The following LIG1 variants were observed in gnomAD, a reference collection of about 807,000 sequenced individuals.
The protein encoded by LIG1 is DNA ligase 1.
Under a neutral mutation model 115.7 loss-of-function variants are expected in LIG1, and 70 were observed. That is an observed-to-expected ratio of 0.60 (90% CI 0.50 to 0.74). LIG1 has a LOEUF of 0.74. LIG1 is among the 30% of genes least tolerant of loss of function. The pLI is 0.00. For synonymous variants in LIG1, 487 were observed against 495.3 expected, an observed-to-expected ratio of 0.98 and a Z score of 0.22; for missense variants, 1,115 against 1,225.6, an observed-to-expected ratio of 0.91 and a Z score of 1.35.
chr19:48,119,757 G>T (rs2033140179), intron 24 of LIG1, among the ~76,000 whole-genome samples: 1 of 151,796 alleles, frequency 6.6e-6, no homozygotes, highest in Non-Finnish European at 1.5e-5. Flanking sequence ...TGCCCAGGCT[G>T]GTCCCGAACT....
At position 48,122,572 on chromosome 19, in the gene LIG1, C is replaced by G. The variant is rs1298179038; in HGVS notation, c.2232+362G>C. ...CCCCGCCTTGCTGGCCCGGAGCTGA[C>G]TTGCTTTTCTTCATGGCGCCCACTC... On this transcript the variant is annotated intron_variant, in intron 23 of 27. Coordinates refer to ENST00000263274, the MANE Select transcript of LIG1 (RefSeq NM_000234.3). This position sits in a 1 kb window ranked among gnomAD's most constrained non-coding sequence, Gnocchi z 4.3. Among the ~76,000 whole-genome samples, 4 of 152,238 alleles carry G rather than the reference C, an allele frequency of 2.6e-5. No individual in the cohort carries two copies. The highest frequency in any genetic ancestry group is 7.2e-5 in the African/African-American group (3 of 41,472).
At chr19:48,155,310 C>A (rs1197202418) in intron 5 of LIG1, among the ~76,000 whole-genome samples, 1 of 152,214 alleles carries the variant, frequency 6.6e-6, no homozygotes, top group African/African-American at 2.4e-5. Flanking sequence ...CCTCTCACCA[C>A]GTGCTATCCT....
At chr19:48,165,709 G>GAAAAA in intron 1 of LIG1, 86 bp from the exon 2 acceptor site, 2 of 785,372 alleles carry the variant, frequency 2.5e-6, no homozygotes, top group Non-Finnish European at 4.1e-6. Flanking sequence ...AAGAAAGAAA[G>GAAAAA]AAAAAAAAAA....
chr19:48,147,853 A>G (rs1487575997), intron 9 of LIG1, among the ~76,000 whole-genome samples: 1 of 152,048 alleles, frequency 6.6e-6, no homozygotes, highest in Non-Finnish European at 1.5e-5. Context: ...GTGCTCATTT[A>G]AATTTCTTTC....
At chr19:48,135,612 T>C in intron 16 of LIG1, 68 bp downstream of exon 16, 2 of 1,275,962 alleles carry the variant, frequency 1.6e-6, no homozygotes, top group Non-Finnish European at 2.3e-6. Context: ...ACTGCTCCTC[T>C]GGCTCCACCC....
chr19:48,124,127 G>T (rs769801415), intron 21 of LIG1, among the ~76,000 whole-genome samples: 1 of 152,162 alleles, frequency 6.6e-6, no homozygotes, highest in Non-Finnish European at 1.5e-5. Flanking sequence ...AGTGTTTCTG[G>T]TCTGCCCTTT....
At chr19:48,163,103 A>T (rs1214136612) in intron 2 of LIG1, among the ~76,000 whole-genome samples, 1 of 150,964 alleles carries the variant, frequency 6.6e-6, no homozygotes, top group Non-Finnish European at 1.5e-5. Context: ...TTTTTGGTAG[A>T]CACGGGTTTT....
chr19:48,153,819 T>TTC (rs1555779094), intron 6 of LIG1, 53 bp downstream of exon 6: 1 of 154,018 alleles, frequency 6.5e-6, no homozygotes. Flanking sequence ...TCCTCTTGGC[T>TTC]TCACACACAC....
chr19:48,115,983 A>G lies in LIG1; in HGVS notation c.2584-18T>C, dbSNP rs1345229672. Reference sequence around the variant, plus strand: ...CTATCCACCTGCGGAAGCGGGATGGAGACTCCTGCGGTCCAGCCCCAGCGA... The same window carrying G: ...CTATCCACCTGCGGAAGCGGGATGGGGACTCCTGCGGTCCAGCCCCAGCGA... On this transcript the variant is annotated intron_variant, in intron 26 of 27. Transcript: ENST00000263274. 2 of 1,601,776 alleles carry G rather than the reference A, an allele frequency of 1.2e-6. No individual in the cohort carries two copies. Among genetic ancestry groups the G allele is most frequent in the African/African-American group, 2.7e-5 (2 of 74,658 alleles).
rs1007252174 is a variant in LIG1, at chr19:48,115,553, G to T, written c.*96C>A. On this transcript the variant is annotated 3_prime_UTR_variant, in exon 28 of 28. Transcript: ENST00000263274. The stretch of plus-strand genomic sequence containing the variant: ...CCTCCCCTGACTCTCAAAATCCACA[G>T]CCTGCCACAGCAGATTTGCTAAAAA... 8.8e-6 allele frequency: 8 copies of T among 911,576 alleles called. No individual in the cohort carries two copies. The highest frequency in any genetic ancestry group is 1.2e-5 in the Non-Finnish European group (7 of 564,598). 56.5% of individuals were successfully genotyped at this position (911,576 alleles called of 1,614,324 possible). A position where few individuals can be genotyped will look rare whatever the true frequency, so the allele number is the denominator to read the frequency against.
chr19:48,143,505 C>CGCGGGGGGGGGGGGGGG, intron 11 of LIG1, 38 bp downstream of exon 11: 1 of 850,466 alleles, frequency 1.2e-6, no homozygotes. Flanking sequence ...GACCCAGAAG[C>CGCGGGGGGGGGGGGGGG]GACCCCGCCC....
chr19:48,121,235 G>A lies in LIG1; in HGVS notation c.2320C>T (p.Arg774Trp), dbSNP rs201073563. ...AYLGRGKRAG[R>W]YGGFLLASYD... ...GAGGCCAGCAGGAAGCCCCCGTACC[G>A]GCCGGCCCGCTTCCCCCGGCCCAGG... Residue 774 changes from arginine (R) to tryptophan (W), a missense_variant, in exon 24 of 28, where the codon CGG becomes TGG. Coordinates refer to ENST00000263274, the MANE Select transcript of LIG1 (RefSeq NM_000234.3). The A allele has an allele frequency of 9.0e-5, 145 of 1,613,874 alleles. No homozygotes were observed. Among genetic ancestry groups the A allele is most frequent in the Non-Finnish European group, 1.2e-4 (136 of 1,179,952 alleles).
Position 48,164,986 on chromosome 19 carries a change from C to T in LIG1, c.17+564G>A, listed in dbSNP as rs111931741. 4.2e-3 allele frequency among the ~76,000 whole-genome samples: 647 copies of T among 152,312 alleles called. 10 individuals carry two copies. The highest frequency in any genetic ancestry group is 0.015 in the African/African-American group (609 of 41,562). On this transcript the variant is annotated intron_variant, in intron 2 of 27. Transcript: ENST00000263274. ...AAAATATCTCCAGACACTGGCCGGG[C>T]GCCGTGGCTCACGCCTGAAATCCCA...
chr19:48,137,722 G>A lies in LIG1; in HGVS notation c.1088-34C>T. On this transcript the variant is annotated intron_variant, in intron 12 of 27. Coordinates refer to ENST00000263274, the MANE Select transcript of LIG1 (RefSeq NM_000234.3). The surrounding 1 kb of genome is among the most constrained non-coding windows in gnomAD (Gnocchi z 4.3). ...GAGAGCGCGGGTGGGGGTGTCGAGG[G>A]TGACAGTTGTGGCTGCGTGTCTCCC... is the stretch of plus-strand genomic sequence containing the variant. The A allele has an allele frequency of 6.3e-7, 1 of 1,598,888 alleles. No homozygotes were observed.
rs908631405 is a variant in LIG1, at chr19:48,167,095, G to A, written c.-57-1472C>T. Among the ~76,000 whole-genome samples, 4 of 151,074 alleles carry A rather than the reference G, an allele frequency of 2.6e-5. No individual in the cohort carries two copies. In the East Asian group the frequency reaches 7.7e-4, roughly 29 times the overall value. On this transcript the variant is annotated intron_variant, in intron 1 of 27. Coordinates refer to ENST00000263274, the MANE Select transcript of LIG1 (RefSeq NM_000234.3). ...TGAAATTTGACAGGAAAGAAATTAC[G>A]ACTTTATTCTTGTAAACTTCTAATT...
At chr19:48,142,451 A>AAAAAAAAAAAAAAAAAAAAAAC (rs1353351417) in intron 11 of LIG1, among the ~76,000 whole-genome samples, 3 of 150,324 alleles carry the variant, frequency 2.0e-5, no homozygotes, top group Admixed American at 6.6e-5. Context: ...TCAAAAAAAA[A>AAAAAAAAAAAAAAAAAAAAAAC]AAAAAACAGA....
At chr19:48,123,056 G>A in intron 22 of LIG1, 40 bp from the exon 23 acceptor site, 1 of 1,610,894 alleles carries the variant, frequency 6.2e-7, no homozygotes, top group Non-Finnish European at 8.5e-7. Flanking sequence ...GGAAGCCCTG[G>A]CTCACAAGCG....
intron 4 of LIG1, among the ~76,000 whole-genome samples, 169 bp from the exon 5 acceptor site, chr19:48,157,309 C>T (rs3730864): frequency 0.036 from 5,466 of 152,156 alleles, 334 homozygotes; most frequent in African/African-American, 0.12. Flanking sequence ...ATCATCCCGC[C>T]CTCCAGTGCA....
At chr19:48,146,610 G>A (rs2035128141) in intron 9 of LIG1, among the ~76,000 whole-genome samples, 1 of 152,196 alleles carries the variant, frequency 6.6e-6, no homozygotes, top group South Asian at 2.1e-4. Flanking sequence ...AACCCGGGAG[G>A]TGGAGGTCGC....
Sources: allele counts gnomAD v4.1 joint callset (sites outside exome capture counted in the v4.1 genomes callset), GRCh38; gene constraint gnomAD v4.1.1; non-coding constraint Gnocchi (gnomAD v3.1); transcripts MANE v1.5; gene names NCBI Gene and HGNC (gene_info 2026-07-23, HGNC 2026-07-21).